Variants in NUCB2 observed in about 807,000 individuals in gnomAD.
NUCB2 encodes the protein nucleobindin-2.
A neutral mutation model predicts 57.9 loss-of-function variants in NUCB2; 48 were observed. That is an observed-to-expected ratio of 0.83 (90% CI 0.66 to 1.05). The LOEUF is 1.05. Ranked by LOEUF, NUCB2 falls within the 50% of genes least tolerant of loss-of-function variation. The pLI is 0.00. For missense variants in NUCB2, 442 were observed against 476.2 expected (o/e 0.93, Z 0.67); for synonymous variants, 139 against 152.1 (o/e 0.91, Z 0.64).
chr11:17,282,669 G>A (rs577901308), intron 1 of NUCB2, 120 bp from the exon 2 acceptor site: 1 of 152,050 alleles, frequency 6.6e-6, no homozygotes, highest in East Asian at 1.9e-4. Context: ...TAAAAATTTG[G>A]CACTTTTCAC....
intron 11 of NUCB2, among the ~76,000 whole-genome samples, chr11:17,328,952 C>T (rs1427136065): frequency 6.6e-6 from 1 of 152,200 alleles, no homozygotes; most frequent in Non-Finnish European, 1.5e-5. Flanking sequence ...CCACAGCATA[C>T]TCCATGGGTC....
At chr11:17,279,779 ATTTTTTTTT>A (rs34261908) in intron 1 of NUCB2, among the ~76,000 whole-genome samples, 1 of 96,362 alleles carries the variant, frequency 1.0e-5, no homozygotes, top group East Asian at 2.8e-4. Flanking sequence ...TTGGCAGAGC[ATTTTTTTTT>A]TTTTTTTTTT....
intron 5 of NUCB2, among the ~76,000 whole-genome samples, chr11:17,308,443 C>A (rs978492106): frequency 3.9e-5 from 6 of 152,186 alleles, no homozygotes; most frequent in African/African-American, 1.4e-4. Context: ...TTTAGAAATG[C>A]TGAGTTCACA....
chr11:17,320,425 T>A (rs896384060), intron 11 of NUCB2, among the ~76,000 whole-genome samples: 4 of 152,154 alleles, frequency 2.6e-5, no homozygotes, highest in Non-Finnish European at 4.4e-5. Context: ...ATCTCAGCAC[T>A]TTGGGAGGCC....
chr11:17,342,270 C>A (rs1591639853), intron 2 of NUCB2, among the ~76,000 whole-genome samples: 1 of 152,128 alleles, frequency 6.6e-6, no homozygotes, highest in South Asian at 2.1e-4. Flanking sequence ...AAAACCAGCT[C>A]CTGGATTCTT....
In NUCB2 at chr11:17,312,051, A is replaced by G; in HGVS notation, c.843A>G (p.Lys281=). 1 of 1,588,150 alleles carries G rather than the reference A, an allele frequency of 6.3e-7. No homozygotes were observed. Among genetic ancestry groups the G allele is most frequent in the Non-Finnish European group, 8.6e-7 (1 of 1,168,408 alleles). Residue 281 remains lysine, a synonymous_variant, in exon 10 of 14, where the codon AAA becomes AAG. Transcript: ENST00000529010. ...AGTTGGAGAAAGTATATGACCCTAA[A>G]AATGAAGAGGATGATATGGTAGAAA... The part of the protein sequence containing the change: ...TKELEKVYDP[K]NEEDDMVEME...
In NUCB2 at chr11:17,311,186, T is replaced by C; in HGVS notation, c.670-7T>C. On this transcript the variant is annotated splice_polypyrimidine_tract_variant and splice_region_variant and intron_variant, in intron 7 of 13. Coordinates refer to ENST00000529010, the MANE Select transcript of NUCB2 (RefSeq NM_005013.4). ...GTTTTGAGCAATTTTTTAAAATTGG[T>C]TCACAGGGAAGCAAAGATCAACTAA... The C allele has an allele frequency of 6.3e-7, 1 of 1,592,740 alleles. No individual in the cohort carries two copies. Among genetic ancestry groups the C allele is most frequent in the Non-Finnish European group, 8.5e-7 (1 of 1,172,870 alleles).
chr11:17,280,315 G>A (rs879701943), intron 1 of NUCB2, among the ~76,000 whole-genome samples: 6 of 152,204 alleles, frequency 3.9e-5, no homozygotes, highest in Non-Finnish European at 7.4e-5. Flanking sequence ...GACAACAGAG[G>A]CTCTAAGATC....
intron 2 of NUCB2, among the ~76,000 whole-genome samples, chr11:17,341,847 G>T (rs1349441525): frequency 6.6e-6 from 1 of 152,196 alleles, no homozygotes; most frequent in Non-Finnish European, 1.5e-5. Context: ...AGTTAGGGAG[G>T]ATTCCCTCTT....
chr11:17,343,449 G>A (rs142956105), intron 2 of NUCB2, among the ~76,000 whole-genome samples: 105 of 152,090 alleles, frequency 6.9e-4, no homozygotes, highest in Non-Finnish European at 1.3e-3. Context: ...TTAAATCCCC[G>A]CCCTTGCTTT....
rs1951326334 is a variant in NUCB2, at chr11:17,330,988, G to A, written c.1255+5G>A. ...GAGAATTGAAGTTTGAGCCACGTGTGTAATTTTGTTTGATTATTTATTTAG... is the reference window on the plus strand; with the variant it reads ...GAGAATTGAAGTTTGAGCCACGTGTATAATTTTGTTTGATTATTTATTTAG... On this transcript the variant is annotated splice_donor_5th_base_variant and intron_variant, in intron 13 of 13. Transcript: ENST00000529010. The surrounding 1 kb of genome is among the most constrained non-coding windows in gnomAD (Gnocchi z 4.3). The A allele has an allele frequency of 2.6e-6, 4 of 1,568,096 alleles. No homozygotes were observed. The South Asian group carries it at 3.5e-5, about 14-fold the overall frequency.
chr11:17,319,342 G>A (rs956222755), intron 11 of NUCB2, among the ~76,000 whole-genome samples: 4 of 152,130 alleles, frequency 2.6e-5, no homozygotes, highest in Non-Finnish European at 5.9e-5. Context: ...TGACATGTCC[G>A]AATGATTCTT....
At chr11:17,309,541 G>T (rs769682366) in intron 5 of NUCB2, 31 bp from the exon 6 acceptor site, 2 of 1,179,404 alleles carry the variant, frequency 1.7e-6, no homozygotes, top group South Asian at 1.4e-5. Context: ...TCTAGAAATT[G>T]ATCATTTACA....
Position 17,342,753 on chromosome 11 carries a change from T to C in NUCB2, n.2626+5219T>C, listed in dbSNP as rs1292084284. Among the ~76,000 whole-genome samples, 43 of 149,976 alleles carry C rather than the reference T, an allele frequency of 2.9e-4. 1 individual carries two copies. ...TCCAAGTATGTGGTCAATTTTGGAATAGGTGTGGTGTGGTGCTGAAAAAAA... is the reference window on the plus strand; with the variant it reads ...TCCAAGTATGTGGTCAATTTTGGAACAGGTGTGGTGTGGTGCTGAAAAAAA... On this transcript the variant is annotated intron_variant and non_coding_transcript_variant, in intron 2 of 2. Transcript: ENST00000532240.
At chr11:17,337,873 G>A (rs562515495) in intron 2 of NUCB2, among the ~76,000 whole-genome samples, 7 of 152,238 alleles carry the variant, frequency 4.6e-5, no homozygotes, top group African/African-American at 9.6e-5. Context: ...GACCCCAGGT[G>A]ATCTGCCCGC....
chr11:17,341,555 C>G (rs1952267846), intron 2 of NUCB2, among the ~76,000 whole-genome samples: 3 of 152,186 alleles, frequency 2.0e-5, no homozygotes, highest in South Asian at 2.1e-4. Flanking sequence ...AAGGCCTTTT[C>G]TGCATCTATT....
intron 10 of NUCB2, 100 bp downstream of exon 10, chr11:17,312,220 T>C (rs1948589833): frequency 1.3e-6 from 1 of 742,090 alleles, no homozygotes; most frequent in Admixed American, 3.0e-5. Flanking sequence ...TGTATTTAAA[T>C]GGAGTTTGCG....
intron 11 of NUCB2, among the ~76,000 whole-genome samples, chr11:17,326,233 A>T (rs1398079907): frequency 6.9e-6 from 1 of 144,644 alleles, no homozygotes; most frequent in Non-Finnish European, 1.5e-5. Context: ...CTCCCAACCT[A>T]AGGTGATCTG....
rs1442234728 is a variant in NUCB2 at position 17,330,967 on chromosome 11, A to G, written c.1239A>G (p.Glu413=). Residue 413 remains glutamate (E), a synonymous_variant, in exon 13 of 14, where the codon GAA becomes GAG. Transcript: ENST00000529010. This position sits in a 1 kb window ranked among gnomAD's most constrained non-coding sequence, Gnocchi z 4.3. ...TTCCTCCATCAGGGCCAGCTGGAGA[A>G]TTGAAGTTTGAGCCACGTGTGTAAT... ...QGIPPSGPAG[E]LKFEPHI The G allele has an allele frequency of 6.2e-7, 1 of 1,609,138 alleles. No individual in the cohort carries two copies. The highest frequency in any genetic ancestry group is 1.3e-5 in the African/African-American group (1 of 74,846).
Sources: gnomAD v4.1 joint callset for allele counts (sites outside exome capture counted in the v4.1 genomes callset) on GRCh38, gnomAD v4.1.1 for gene constraint, Gnocchi (gnomAD v3.1) non-coding constraint, MANE v1.5 for transcripts, NCBI Gene and HGNC (gene_info 2026-07-23, HGNC 2026-07-21) for gene names.